ELSPBP1: variants seen among roughly 807,000 people sequenced by gnomAD.
ELSPBP1 encodes epididymal sperm binding protein 1, also known as epididymal sperm-binding protein 1.
A neutral mutation model predicts 33.3 loss-of-function variants in ELSPBP1; 38 were observed. The observed-to-expected ratio is 1.14, with a 90% CI of 0.88 to 1.50. The LOEUF is 1.50. Among genes scored for constraint, ELSPBP1 ranks in the 40% most tolerant of loss-of-function variants. The pLI, the probability that ELSPBP1 is intolerant of heterozygous loss-of-function variation, is 0.00. For missense variants in ELSPBP1, 267 were observed against 263.5 expected (o/e 1.01, Z -0.09); for synonymous variants, 85 against 94.1 (o/e 0.90, Z 0.56).
At chr19:48,020,785 A>G (rs1967191161) in intron 5 of ELSPBP1, among the ~76,000 whole-genome samples, 1 of 152,030 alleles carries the variant, frequency 6.6e-6, no homozygotes, top group Non-Finnish European at 1.5e-5. Context: ...TACACTCTTG[A>G]TAGCTTCTGA....
chr19:48,024,027 T>C (rs892370893), intron 6 of ELSPBP1, among the ~76,000 whole-genome samples: 2 of 134,254 alleles, frequency 1.5e-5, no homozygotes, highest in Admixed American at 1.6e-4. Context: ...TGTGCCACCA[T>C]GCCCAGCAAT....
chr19:48,001,972 C>T (rs1416003507), intron 1 of ELSPBP1, among the ~76,000 whole-genome samples: 1 of 152,064 alleles, frequency 6.6e-6, no homozygotes, highest in Admixed American at 6.6e-5. Context: ...GCTGGGATGA[C>T]AATTATGAGT....
rs138126081 is a variant in ELSPBP1 at position 48,011,447 on chromosome 19, GTGA to G, written c.71-2714_71-2712del. Among the ~76,000 whole-genome samples, 44 of 144,548 alleles carry G rather than the reference GTGA, an allele frequency of 3.0e-4. 1 individual carries two copies. In the South Asian group the frequency reaches 5.0e-3, roughly 16 times the overall value. 94.8% of individuals were successfully genotyped at this position (144,548 alleles called of 152,430 possible). A position where few individuals can be genotyped will look rare whatever the true frequency, so the allele number is the denominator to read the frequency against. ...GAGGAGAATAATGATCACGATGACAGTGATGATGATGACAATGACAATAATGAG... is the reference window on the plus strand; with the variant it reads ...GAGGAGAATAATGATCACGATGACAGTGATGATGACAATGACAATAATGAG... On this transcript the variant is annotated intron_variant, in intron 2 of 6. Coordinates refer to ENST00000339841, the MANE Select transcript of ELSPBP1 (RefSeq NM_022142.5). This position sits in a 1 kb window ranked among gnomAD's most constrained non-coding sequence, Gnocchi z 4.5.
intron 6 of ELSPBP1, among the ~76,000 whole-genome samples, chr19:48,023,144 AAGG>A (rs1216220941): frequency 7.0e-6 from 1 of 143,486 alleles, no homozygotes; most frequent in Non-Finnish European, 1.5e-5. Context: ...GAAGGGAAGA[AAGG>A]AGGGAGGGAG....
intron 4 of ELSPBP1, 106 bp downstream of exon 4, chr19:48,016,145 G>C (rs1967130516): frequency 7.3e-7 from 1 of 1,369,002 alleles, no homozygotes; most frequent in African/African-American, 1.4e-5. Flanking sequence ...CACCCAGGGG[G>C]AAGTACTTAC....
rs1362102292 is a variant in ELSPBP1 at position 48,019,855 on chromosome 19, G to A, written c.492G>A (p.Lys164=). 1.2e-6 allele frequency: 2 copies of A among 1,612,532 alleles called. No individual in the cohort carries two copies. Among genetic ancestry groups the A allele is most frequent in the Non-Finnish European group, 1.7e-6 (2 of 1,179,280 alleles). Residue 164 remains lysine, a synonymous_variant, in exon 5 of 7, where the codon AAG becomes AAA. Transcript: ENST00000339841. The stretch of plus-strand genomic sequence containing the variant: ...CAGAGAACATGGATAAGGATGGAAA[G>A]TGGAGTTTCTGTGCCGACACCAGTA... ...PTTENMDKDG[K]WSFCADTRIS...
At chr19:48,008,814 C>G (rs1600105207) in intron 2 of ELSPBP1, 77 bp downstream of exon 2, 1 of 1,331,490 alleles carries the variant, frequency 7.5e-7, no homozygotes, top group Non-Finnish European at 1.1e-6. Context: ...ATTCCTGGAA[C>G]TAAGTAGGCA....
chr19:48,021,620 G>A (rs935804831), intron 5 of ELSPBP1, among the ~76,000 whole-genome samples: 3 of 151,226 alleles, frequency 2.0e-5, no homozygotes, highest in African/African-American at 7.3e-5. Flanking sequence ...TTGTATATAT[G>A]TATTTTTTTA....
chr19:48,022,089 AGGGTG>A, intron 5 of ELSPBP1, 76 bp from the exon 6 acceptor site: 1 of 1,329,854 alleles, frequency 7.5e-7, no homozygotes, highest in Non-Finnish European at 1.0e-6. Flanking sequence ...TTTGAAATCT[AGGGTG>A]GGCCTGAAGC....
intron 2 of ELSPBP1, among the ~76,000 whole-genome samples, chr19:48,012,470 G>T (rs568051023): frequency 7.4e-4 from 113 of 151,684 alleles, no homozygotes; most frequent in African/African-American, 2.5e-3. Context: ...TAGTGCCATT[G>T]AATTTTGAAA....
intron 2 of ELSPBP1, 93 bp from the exon 3 acceptor site, chr19:48,014,078 C>A: frequency 7.0e-7 from 1 of 1,426,506 alleles, no homozygotes; most frequent in Non-Finnish European, 9.7e-7. Flanking sequence ...GGAACACGGA[C>A]ATTCATATTA....
At chr19:48,019,607 C>T in intron 4 of ELSPBP1, 112 bp from the exon 5 acceptor site, 1 of 1,025,886 alleles carries the variant, frequency 9.7e-7, no homozygotes, top group Non-Finnish European at 1.4e-6. Flanking sequence ...TTGGAGAATC[C>T]AATGTGACGT....
intron 1 of ELSPBP1, among the ~76,000 whole-genome samples, chr19:48,005,913 A>G (rs1186936468): frequency 4.6e-5 from 7 of 152,162 alleles, no homozygotes; most frequent in Admixed American, 4.6e-4. Flanking sequence ...TCAGGATTAC[A>G]GTGAATTTAG....
At chr19:48,007,700 T>C (rs1326834266) in intron 1 of ELSPBP1, among the ~76,000 whole-genome samples, 1 of 151,842 alleles carries the variant, frequency 6.6e-6, no homozygotes, top group Non-Finnish European at 1.5e-5. Flanking sequence ...AGGAGATGAG[T>C]GTGATTCATG....
chr19:48,024,523 T>C (rs1043418258), intron 6 of ELSPBP1, among the ~76,000 whole-genome samples: 7 of 152,154 alleles, frequency 4.6e-5, no homozygotes, highest in African/African-American at 1.7e-4. Flanking sequence ...TAGCGGGCCC[T>C]TCCTGAATTT....
At chr19:48,009,315 C>T (rs1967054668) in intron 2 of ELSPBP1, among the ~76,000 whole-genome samples, 1 of 152,080 alleles carries the variant, frequency 6.6e-6, no homozygotes, top group Non-Finnish European at 1.5e-5. Context: ...AAATAATGGG[C>T]ACCAGCATCT....
At chr19:48,014,392 T>C (rs751001096) in intron 3 of ELSPBP1, 84 bp downstream of exon 3, 514 of 1,489,004 alleles carry the variant, frequency 3.5e-4, no homozygotes, top group Non-Finnish European at 3.8e-4. Context: ...TATGACATGA[T>C]CACATTTTTG....
intron 5 of ELSPBP1, among the ~76,000 whole-genome samples, chr19:48,020,954 A>C: frequency 6.7e-6 from 1 of 149,708 alleles, no homozygotes; most frequent in African/African-American, 2.4e-5. Context: ...GACTTTCCTA[A>C]ATAAAATAAA....
chr19:48,014,130 G>A (rs41494755), intron 2 of ELSPBP1, 41 bp from the exon 3 acceptor site: 93,580 of 1,600,190 alleles, frequency 0.058, 2,941 homozygotes, highest in Middle Eastern at 0.12. Flanking sequence ...CTAATTCATC[G>A]TGATTCTTCC....
Sources: gnomAD v4.1 joint callset for allele counts (sites outside exome capture counted in the v4.1 genomes callset) on GRCh38, gnomAD v4.1.1 for gene constraint, Gnocchi (gnomAD v3.1) non-coding constraint, MANE v1.5 for transcripts, NCBI Gene and HGNC (gene_info 2026-07-23, HGNC 2026-07-21) for gene names.